Variants in CDK13 observed in about 807,000 individuals in gnomAD.
CDK13 encodes the protein cyclin-dependent kinase 13.
A neutral mutation model predicts 137.6 loss-of-function variants in CDK13; 40 were observed. The ratio of observed to expected loss-of-function variants is 0.29; its 90% CI spans 0.23 to 0.38. CDK13 has a LOEUF of 0.38. Ranked by LOEUF, CDK13 falls within the 10% of genes least tolerant of loss-of-function variation. CDK13 has a pLI of 1.00. For missense variants in CDK13, 1,704 were observed against 1,951.8 expected (o/e 0.87, Z 2.39); for synonymous variants, 869 against 760.1 (o/e 1.14, Z -2.36).
rs959763774 is a variant in CDK13, at chr7:40,098,035, A to G, written c.*3055A>G. The stretch of plus-strand genomic sequence containing the variant: ...TCTGGAGAAGTTAGTGGTATTTGCT[A>G]CCCTCAGCTGTATCTAAATTGCACT... On this transcript the variant is annotated 3_prime_UTR_variant, in exon 14 of 14. Transcript: ENST00000181839. The G allele has an allele frequency of 1.3e-5, 2 of 152,104 alleles. No homozygotes were observed. Among genetic ancestry groups the G allele is most frequent in the African/African-American group, 4.8e-5 (2 of 41,442 alleles). 9.4% of individuals were successfully genotyped at this position (152,104 alleles called of 1,614,324 possible).
chr7:39,971,194 G>C (rs1201291237), intron 1 of CDK13, among the ~76,000 whole-genome samples: 1 of 152,186 alleles, frequency 6.6e-6, no homozygotes, highest in Non-Finnish European at 1.5e-5. Flanking sequence ...CCTAGCAAGT[G>C]AGATTAAATT....
chr7:39,996,981 A>AAAAAAAAAAAAG (rs1562719366), intron 2 of CDK13, among the ~76,000 whole-genome samples: 3 of 150,350 alleles, frequency 2.0e-5, no homozygotes, highest in African/African-American at 7.4e-5. Flanking sequence ...AAAAAAGAAA[A>AAAAAAAAAAAAG]AAAAAAAGAA....
intron 2 of CDK13, among the ~76,000 whole-genome samples, chr7:39,994,181 A>G (rs1005130330): frequency 1.3e-5 from 2 of 151,998 alleles, no homozygotes; most frequent in East Asian, 3.9e-4. Flanking sequence ...TTTTGGTTAT[A>G]TGAATGTTTT....
In CDK13 at chr7:40,088,264, C is replaced by A. The variant is rs143012815; in HGVS notation, c.3168C>A (p.Thr1056=). ...DLSLGLDDSR[T]NTPQGVLPSS... Reference sequence around the variant, plus strand: ...CTCTGGGCTTGGATGACAGCAGAACCAACACACCCCAGGGTGTGCTGCCAT... The same window carrying A: ...CTCTGGGCTTGGATGACAGCAGAACAAACACACCCCAGGGTGTGCTGCCAT... The change falls in exon 12 of 14, where the codon ACC becomes ACA. Residue 1056 remains threonine (T), a synonymous_variant. Transcript: ENST00000181839. The A allele has an allele frequency of 4.5e-4, 723 of 1,614,120 alleles. No individual in the cohort carries two copies. Among genetic ancestry groups the A allele is most frequent in the Admixed American group, 4.8e-4 (29 of 60,014 alleles).
At chr7:40,042,112 T>C (rs1419843390) in intron 5 of CDK13, among the ~76,000 whole-genome samples, 1 of 152,118 alleles carries the variant, frequency 6.6e-6, no homozygotes, top group Non-Finnish European at 1.5e-5. Flanking sequence ...TGTAGTTGTT[T>C]GAGATCTTGG....
rs140550064 is a variant in CDK13, at chr7:39,968,274, C to T, written c.1211+16422C>T. Among the ~76,000 whole-genome samples, 86 of 152,198 alleles carry T rather than the reference C, an allele frequency of 5.7e-4. 1 individual carries two copies. Among genetic ancestry groups the T allele is most frequent in the African/African-American group, 2.0e-3 (82 of 41,514 alleles). ...TTTATTTTTGTTTTTGTTCCCTGTA[C>T]TTTTGGGTTTATAACCACGAAACCT... On this transcript the variant is annotated intron_variant, in intron 1 of 13. Transcript: ENST00000181839.
In CDK13 at chr7:40,046,051, T is replaced by G. The variant is rs1785731798; in HGVS notation, c.2543+26T>G. On this transcript the variant is annotated intron_variant, in intron 6 of 13. Coordinates refer to ENST00000181839, the MANE Select transcript of CDK13 (RefSeq NM_003718.5). ...GTATGGGTATGAACTTTATATATATTTAAAATGAGTTTTACCATGGACATG... is the reference window on the plus strand; with the variant it reads ...GTATGGGTATGAACTTTATATATATGTAAAATGAGTTTTACCATGGACATG... 3.8e-6 allele frequency: 5 copies of G among 1,331,520 alleles called. No individual in the cohort carries two copies. The Admixed American group carries it at 8.1e-5, about 22-fold the overall frequency. The allele number at this position is 1,331,520 out of a possible 1,614,324, so 82.5% of individuals were successfully genotyped here.
intron 5 of CDK13, among the ~76,000 whole-genome samples, chr7:40,021,313 A>G (rs912989490): frequency 2.0e-5 from 3 of 151,958 alleles, no homozygotes; most frequent in African/African-American, 7.3e-5. Flanking sequence ...CCTGACCAAC[A>G]TGGTGAAACC....
Position 40,088,186 on chromosome 7 carries a change from G to T in CDK13, c.3090G>T (p.Gln1030His). The T allele has an allele frequency of 1.2e-6, 2 of 1,613,964 alleles. No individual in the cohort carries two copies. The highest frequency in any genetic ancestry group is 1.7e-6 in the Non-Finnish European group (2 of 1,180,012). ...LWSKKRRRQK[Q>H]MGMTDDVSTI... ...GTAAAAAGCGAAGAAGACAGAAGCA[G>T]ATGGGCATGACTGATGATGTTTCCA... The change falls in exon 12 of 14, where the codon CAG (glutamine) becomes CAT (histidine). Residue 1030 changes from glutamine to histidine, a missense_variant. Around this residue, in one of 5 missense-constraint regions of CDK13, gnomAD observed 475 missense variants for 579.3 expected, o/e 0.82. Coordinates refer to ENST00000181839, the MANE Select transcript of CDK13 (RefSeq NM_003718.5).
Position 40,062,883 on chromosome 7 carries a change from G to C in CDK13, c.2658G>C (p.Leu886=). 6.2e-7 allele frequency: 1 copy of C among 1,613,960 alleles called. No homozygotes were observed. The highest frequency in any genetic ancestry group is 2.2e-5 in the East Asian group (1 of 44,860). The change falls in exon 8 of 14, where the codon CTG becomes CTC. Residue 886 remains leucine (L), a synonymous_variant. Coordinates refer to ENST00000181839, the MANE Select transcript of CDK13 (RefSeq NM_003718.5). ...TLWYRPPELL[L]GEERYTPAID... is the part of the protein sequence containing the mutation. ...GGTACCGTCCACCTGAACTGCTACT[G>C]GGAGAAGAACGATACACACCAGCCA...
At position 39,951,149 on chromosome 7, in the gene CDK13, G is replaced by T. The variant is rs1416398317; in HGVS notation, c.508G>T (p.Ala170Ser). 1 of 1,242,676 alleles carries T rather than the reference G, an allele frequency of 8.0e-7. No homozygotes were observed. Among genetic ancestry groups the T allele is most frequent in the Non-Finnish European group, 1.0e-6 (1 of 994,802 alleles). 77.0% of individuals were successfully genotyped at this position (1,242,676 alleles called of 1,614,324 possible). Residue 170 changes from alanine (A) to serine (S), a missense_variant, in exon 1 of 14, where the codon GCT becomes TCT. Physicochemically the swap from Ala to Ser is moderately conservative, Grantham distance 99 (BLOSUM62 1). Around this residue, in one of 5 missense-constraint regions of CDK13, gnomAD observed 1,051 missense variants for 931.0 expected, o/e 1.13. Transcript: ENST00000181839. ...GGCCAGCGCGGCAACGGCGGCGACGGCTGCCGGGGGAACGGGGGGCAGCGG... is the reference window on the plus strand; with the variant it reads ...GGCCAGCGCGGCAACGGCGGCGACGTCTGCCGGGGGAACGGGGGGCAGCGG... ...GGASAATAAT[A>S]AGGTGGSGGS...
chr7:39,965,055 A>G (rs1012356004), intron 1 of CDK13, among the ~76,000 whole-genome samples: 3 of 152,142 alleles, frequency 2.0e-5, no homozygotes, highest in East Asian at 1.9e-4. Flanking sequence ...TATGTGGTCA[A>G]TTTTGGAATA....
In CDK13 at chr7:40,094,247, C is replaced by G. The variant is rs1449436204; in HGVS notation, c.3806C>G (p.Pro1269Arg). 1 of 1,613,038 alleles carries G rather than the reference C, an allele frequency of 6.2e-7. No individual in the cohort carries two copies. The highest frequency in any genetic ancestry group is 1.7e-5 in the Admixed American group (1 of 59,866). Residue 1269 changes from proline to arginine, a missense_variant, in exon 14 of 14, where the codon CCA becomes CGA. This residue lies in a region of CDK13 where 475 missense variants were observed against 579.3 expected (regional missense o/e 0.82). Coordinates refer to ENST00000181839, the MANE Select transcript of CDK13 (RefSeq NM_003718.5). ...CCTCCCGAGCCTCCTGAACCACCAC[C>G]AGTCACTGAGGAAGATCTAGATTAT... ...QRPPEPPEPP[P>R]VTEEDLDYRT...
At chr7:40,057,848 AT>A (rs1310877804) in intron 7 of CDK13, among the ~76,000 whole-genome samples, 1 of 152,198 alleles carries the variant, frequency 6.6e-6, no homozygotes, top group Non-Finnish European at 1.5e-5. Context: ...CTTGGAAGAT[AT>A]CAAAAGGAGA....
chr7:39,975,031 A>G (rs1224713970), intron 1 of CDK13, among the ~76,000 whole-genome samples: 1 of 152,114 alleles, frequency 6.6e-6, no homozygotes, highest in African/African-American at 2.4e-5. Flanking sequence ...TTATTTTTTA[A>G]TAAAAATAAT....
In CDK13 at chr7:39,950,689, C is replaced by T. The variant is rs1011234458; in HGVS notation, c.48C>T (p.Ser16=). 2.1e-6 allele frequency: 3 copies of T among 1,429,454 alleles called. No individual in the cohort carries two copies. Among genetic ancestry groups the T allele is most frequent in the Non-Finnish European group, 2.7e-6 (3 of 1,096,724 alleles). The allele number at this position is 1,429,454 out of a possible 1,614,324, so 88.5% of individuals were successfully genotyped here. A position where few individuals can be genotyped will look rare whatever the true frequency, so the allele number is the denominator to read the frequency against. Residue 16 remains serine, a synonymous_variant, in exon 1 of 14, where the codon AGC becomes AGT. Transcript: ENST00000181839. ...DTALGGGGGL[S]WAEKKLEERR... is the part of the protein sequence containing the mutation. ...CGCTGGGGGGAGGCGGGGGCCTGAGCTGGGCGGAGAAGAAGTTGGAGGAAC... is the reference window on the plus strand; with the variant it reads ...CGCTGGGGGGAGGCGGGGGCCTGAGTTGGGCGGAGAAGAAGTTGGAGGAAC...
intron 1 of CDK13, among the ~76,000 whole-genome samples, chr7:39,968,921 A>G (rs917543331): frequency 1.3e-5 from 2 of 151,908 alleles, no homozygotes; most frequent in Middle Eastern, 3.2e-3. Flanking sequence ...ACTGTTTACT[A>G]TTTTCTTATA....
intron 3 of CDK13, 167 bp from the exon 4 acceptor site, chr7:39,999,194 T>G: frequency 2.1e-6 from 1 of 468,466 alleles, no homozygotes; most frequent in Non-Finnish European, 3.6e-6. Context: ...TACGATAACT[T>G]ACAATACCAA....
intron 2 of CDK13, among the ~76,000 whole-genome samples, chr7:39,994,071 A>T (rs752605097): frequency 6.6e-6 from 1 of 152,046 alleles, no homozygotes; most frequent in Non-Finnish European, 1.5e-5. Context: ...GATTTTCCTT[A>T]AAGTTGTTTC....
Sources: allele counts gnomAD v4.1 joint callset (sites outside exome capture counted in the v4.1 genomes callset), GRCh38; gene constraint gnomAD v4.1.1; regional missense constraint gnomAD v4.1.1; transcripts MANE v1.5; gene names NCBI Gene and HGNC (gene_info 2026-07-23, HGNC 2026-07-21).